Variants in KLHL7 observed in about 807,000 individuals in gnomAD.
KLHL7 encodes kelch like family member 7.
KLHL7 carries 44 observed loss-of-function variants against 67.4 expected under a neutral mutation model. The observed-to-expected ratio is 0.65, with a 90% CI of 0.51 to 0.84. The LOEUF (loss-of-function observed/expected upper bound fraction) is 0.84, where lower values mean the gene tolerates loss of function less well. KLHL7 is among the 40% of genes least tolerant of loss of function. KLHL7 has a pLI of 0.00. For synonymous variants in KLHL7, 252 were observed against 243.3 expected (o/e 1.04, Z -0.33); for missense variants, 362 against 718.1 (o/e 0.50, Z 5.67).
intron 4 of KLHL7, among the ~76,000 whole-genome samples, chr7:23,133,862 G>A (rs1037387228): frequency 1.3e-5 from 2 of 152,160 alleles, no homozygotes; most frequent in African/African-American, 2.4e-5. Flanking sequence ...GAGTCTTTTA[G>A]TTTCTCCAAA....
At chr7:23,142,524 A>G (rs1784222629) in intron 5 of KLHL7, among the ~76,000 whole-genome samples, 1 of 152,174 alleles carries the variant, frequency 6.6e-6, no homozygotes, top group African/African-American at 2.4e-5. Context: ...AAAAGGAGTA[A>G]CAAGTAACAT....
chr7:23,156,265 A>G (rs1784704087), intron 7 of KLHL7: 1 of 194,880 alleles, frequency 5.1e-6, no homozygotes. Context: ...TTTTTTCTGA[A>G]TATTGACAGA....
In KLHL7 at chr7:23,175,614, A is replaced by T. The variant is rs1021842111; in HGVS notation, c.*1316A>T. 9.9e-6 allele frequency: 3 copies of T among 304,516 alleles called. No individual in the cohort carries two copies. Among genetic ancestry groups the T allele is most frequent in the African/African-American group, 6.7e-5 (3 of 44,642 alleles). The allele number at this position is 304,516 out of a possible 1,614,324, so 18.9% of individuals were successfully genotyped here. On this transcript the variant is annotated 3_prime_UTR_variant, in exon 11 of 11. Coordinates refer to ENST00000339077, the MANE Select transcript of KLHL7 (RefSeq NM_001031710.3). ...ATTTCTATTTGTGTAGGGTTTTTTAATGTACAGCTTTATTGAGATATAATT... is the reference window on the plus strand; with the variant it reads ...ATTTCTATTTGTGTAGGGTTTTTTATTGTACAGCTTTATTGAGATATAATT...
rs1411835468 is a variant in KLHL7, at chr7:23,175,582, T to C, written c.*1284T>C. ...AAAGGAATTAGGAAAAACATAATGA[T>C]AGGTATATTTCTATTTGTGTAGGGT... On this transcript the variant is annotated 3_prime_UTR_variant, in exon 11 of 11. Coordinates refer to ENST00000339077, the MANE Select transcript of KLHL7 (RefSeq NM_001031710.3). 3.1e-6 allele frequency: 1 copy of C among 325,624 alleles called. No individual in the cohort carries two copies. Among genetic ancestry groups the C allele is most frequent in the Non-Finnish European group, 5.9e-6 (1 of 170,388 alleles). The allele number at this position is 325,624 out of a possible 1,614,324, so 20.2% of individuals were successfully genotyped here.
At chr7:23,108,374 T>G (rs1782731949) in intron 1 of KLHL7, among the ~76,000 whole-genome samples, 1 of 152,228 alleles carries the variant, frequency 6.6e-6, no homozygotes. Context: ...TAAAGCCTTT[T>G]CCTACATTGT....
intron 4 of KLHL7, among the ~76,000 whole-genome samples, chr7:23,130,198 G>T (rs538401796): frequency 3.3e-5 from 5 of 152,234 alleles, no homozygotes; most frequent in African/African-American, 1.2e-4. Flanking sequence ...AGAATAAGTG[G>T]TTGATAAAAT....
At chr7:23,125,315 T>A in intron 4 of KLHL7, 143 bp downstream of exon 4, 1 of 776,872 alleles carries the variant, frequency 1.3e-6, no homozygotes, top group Non-Finnish European at 2.1e-6. Flanking sequence ...TAATAAAATT[T>A]AAGAGGGGCT....
At chr7:23,130,192 T>G (rs1405162669) in intron 4 of KLHL7, among the ~76,000 whole-genome samples, 1 of 152,208 alleles carries the variant, frequency 6.6e-6, no homozygotes, top group Non-Finnish European at 1.5e-5. Context: ...TCAGTAAGAA[T>G]AAGTGGTTGA....
chr7:23,153,840 C>T (rs1784613990), intron 7 of KLHL7, among the ~76,000 whole-genome samples: 1 of 152,188 alleles, frequency 6.6e-6, no homozygotes, highest in Admixed American at 6.5e-5. Flanking sequence ...GTGTAATAAC[C>T]ATATGCCATC....
intron 1 of KLHL7, chr7:23,117,929 T>A (rs1783163568): frequency 6.2e-7 from 1 of 1,614,030 alleles, no homozygotes; most frequent in Non-Finnish European, 8.5e-7. Context: ...AGGGACTGAT[T>A]GCAGAACCTT....
At chr7:23,169,600 T>C (rs1056111287) in intron 9 of KLHL7, among the ~76,000 whole-genome samples, 3 of 152,168 alleles carry the variant, frequency 2.0e-5, no homozygotes, top group African/African-American at 7.2e-5. Context: ...ATAAAAACTC[T>C]AGGTTTCTAA....
At chr7:23,135,438 G>C (rs1464895815) in intron 4 of KLHL7, among the ~76,000 whole-genome samples, 1 of 152,128 alleles carries the variant, frequency 6.6e-6, no homozygotes, top group Non-Finnish European at 1.5e-5. Context: ...ATAAATATCT[G>C]TTAGATCCAT....
At position 23,167,795 on chromosome 7, in the gene KLHL7, C is replaced by A. The variant is rs760816265; in HGVS notation, c.1178-41C>A. ...AGTCAGTTCTTTCCAAACCCCCGCA[C>A]ACACTAAAGTTAAGCATGATGGGGC... On this transcript the variant is annotated intron_variant, in intron 8 of 10. Transcript: ENST00000339077. 4.4e-6 allele frequency: 7 copies of A among 1,576,660 alleles called. No individual in the cohort carries two copies. The South Asian group carries it at 6.6e-5, about 15-fold the overall frequency.
intron 7 of KLHL7, among the ~76,000 whole-genome samples, chr7:23,163,057 T>A (rs1419677102): frequency 2.0e-5 from 3 of 152,230 alleles, no homozygotes; most frequent in Non-Finnish European, 4.4e-5. Flanking sequence ...GTTTTCAGAA[T>A]ACATTATATA....
rs1452986312 is a variant in KLHL7 at position 23,105,875 on chromosome 7, G to A, written c.-152G>A. ...CCGGCCTTGTCTTTCGGCAGTGGCC[G>A]AGCCACCGCCGCCTGCCGCGCGTTC... On this transcript the variant is annotated 5_prime_UTR_variant, in exon 1 of 11. Transcript: ENST00000339077. The A allele has an allele frequency of 5.8e-6, 7 of 1,213,316 alleles. No homozygotes were observed. The highest frequency in any genetic ancestry group is 7.0e-6 in the Non-Finnish European group (6 of 858,360). The allele number at this position is 1,213,316 out of a possible 1,614,324, so 75.2% of individuals were successfully genotyped here. A position where few individuals can be genotyped will look rare whatever the true frequency, so the allele number is the denominator to read the frequency against.
intron 6 of KLHL7, among the ~76,000 whole-genome samples, chr7:23,147,749 T>C (rs970257249): frequency 6.6e-6 from 1 of 152,136 alleles, no homozygotes; most frequent in African/African-American, 2.4e-5. Flanking sequence ...CTACTTTGAG[T>C]TTTCTTTGGC....
intron 4 of KLHL7, among the ~76,000 whole-genome samples, chr7:23,130,267 A>G (rs979602885): frequency 6.6e-6 from 1 of 152,188 alleles, no homozygotes; most frequent in African/African-American, 2.4e-5. Context: ...AAAATATCTC[A>G]TAAGTTTTTG....
intron 4 of KLHL7, among the ~76,000 whole-genome samples, chr7:23,130,115 T>C (rs192639487): frequency 1.3e-5 from 2 of 152,320 alleles, no homozygotes; most frequent in South Asian, 2.1e-4. Flanking sequence ...AAAAACATCA[T>C]TGGTGTCTAA....
chr7:23,157,591 A>T (rs1263703634), intron 7 of KLHL7, among the ~76,000 whole-genome samples: 2 of 82,468 alleles, frequency 2.4e-5, no homozygotes, highest in Non-Finnish European at 5.1e-5. Context: ...GTTTCCTAGA[A>T]GGTCTTCCAA....
Sources: allele counts gnomAD v4.1 joint callset (sites outside exome capture counted in the v4.1 genomes callset), GRCh38; gene constraint gnomAD v4.1.1; transcripts MANE v1.5; gene names NCBI Gene and HGNC (gene_info 2026-07-23, HGNC 2026-07-21).